Variants in MLYCD observed in about 807,000 individuals in gnomAD.
The protein encoded by MLYCD is malonyl-CoA decarboxylase.
MLYCD carries 27 observed loss-of-function variants against 35.8 expected under a neutral mutation model. That is an observed-to-expected ratio of 0.75 (90% CI 0.56 to 1.04). MLYCD has a LOEUF of 1.04. Ranked by LOEUF, MLYCD falls within the 50% of genes least tolerant of loss-of-function variation. The pLI is 0.00. For synonymous variants in MLYCD, 403 were observed against 302.4 expected (o/e 1.33, Z -3.45); for missense variants, 917 against 665.1 (o/e 1.38, Z -4.17).
rs751649669 is a variant in MLYCD, at chr16:83,915,129, C to T, written c.1122C>T (p.Thr374=). 4 of 1,614,220 alleles carry T rather than the reference C, an allele frequency of 2.5e-6. No individual in the cohort carries two copies. Among genetic ancestry groups the T allele is most frequent in the Admixed American group, 1.7e-5 (1 of 60,028 alleles). Residue 374 remains threonine (T), a synonymous_variant, in exon 5 of 5, where the codon ACC becomes ACT. Coordinates refer to ENST00000262430, the MANE Select transcript of MLYCD (RefSeq NM_012213.3). The part of the protein sequence containing the change: ...SEITGGPINE[T]LKLLLSSSEW... ...TCACAGGTGGCCCCATTAACGAGACCCTCAAGCTCCTCCTCAGCAGCAGCG... is the reference window on the plus strand; with the variant it reads ...TCACAGGTGGCCCCATTAACGAGACTCTCAAGCTCCTCCTCAGCAGCAGCG...
At chr16:83,914,256 T>A (rs887213187) in intron 4 of MLYCD, 1 of 157,748 alleles carries the variant, frequency 6.3e-6, no homozygotes, top group African/African-American at 2.4e-5. Context: ...TCATGTGATA[T>A]GGAGAGATAC....
At chr16:83,911,230 G>A (rs1047962306) in intron 3 of MLYCD, among the ~76,000 whole-genome samples, 5 of 152,004 alleles carry the variant, frequency 3.3e-5, no homozygotes, top group South Asian at 4.1e-4. Flanking sequence ...TGCCCGCCTC[G>A]GCCTCCCAAA....
In MLYCD at chr16:83,916,043, G is replaced by A; in HGVS notation, c.*554G>A. 1 of 1,003,928 alleles carries A rather than the reference G, an allele frequency of 1.0e-6. No individual in the cohort carries two copies. Among genetic ancestry groups the A allele is most frequent in the Non-Finnish European group, 1.2e-6 (1 of 839,296 alleles). The allele number at this position is 1,003,928 out of a possible 1,614,324, so 62.2% of individuals were successfully genotyped here. A position where few individuals can be genotyped will look rare whatever the true frequency, so the allele number is the denominator to read the frequency against. ...GAAGGTTTGTGATTTTGCACAAGGT[G>A]TGTGTAGTAAGTTAAATTGTTGAAC... On this transcript the variant is annotated 3_prime_UTR_variant, in exon 5 of 5. Coordinates refer to ENST00000262430, the MANE Select transcript of MLYCD (RefSeq NM_012213.3).
At position 83,919,049 on chromosome 16, in the gene MLYCD, GAC is replaced by G. The variant is rs1462742154; in HGVS notation, c.*3564_*3565del. 7.5e-6 allele frequency: 1 copy of G among 132,852 alleles called. No individual in the cohort carries two copies. Among genetic ancestry groups the G allele is most frequent in the African/African-American group, 3.0e-5 (1 of 33,364 alleles). 8.2% of individuals were successfully genotyped at this position (132,852 alleles called of 1,614,324 possible). ...CAGGAGAACATACACGCAGTACACA[GAC>G]ACAGTGCACCGGAGAACACAGTGCA... On this transcript the variant is annotated 3_prime_UTR_variant, in exon 5 of 5. Coordinates refer to ENST00000262430, the MANE Select transcript of MLYCD (RefSeq NM_012213.3).
Position 83,916,867 on chromosome 16 carries a change from C to A in MLYCD, c.*1378C>A, listed in dbSNP as rs12935116. 9.0e-3 allele frequency: 661 copies of A among 73,548 alleles called. 11 individuals are homozygous for A. Among genetic ancestry groups the A allele is most frequent in the Middle Eastern group, 0.015 (1 of 66 alleles). 4.6% of individuals were successfully genotyped at this position (73,548 alleles called of 1,614,324 possible). On this transcript the variant is annotated 3_prime_UTR_variant, in exon 5 of 5. Coordinates refer to ENST00000262430, the MANE Select transcript of MLYCD (RefSeq NM_012213.3). ...TCAGTGCACGTCTGTGTGCGTGTGC[C>A]CGAGCGTCTCTGTGTGGATCAGTGC...
At chr16:83,907,846 T>C (rs183018087) in intron 2 of MLYCD, among the ~76,000 whole-genome samples, 2 of 152,206 alleles carry the variant, frequency 1.3e-5, no homozygotes, top group Admixed American at 1.3e-4. Flanking sequence ...AGGTTTCACG[T>C]TAAAATCTGC....
rs1907790093 is a variant in MLYCD, at chr16:83,925,867, C to A, written c.*10378C>A. On this transcript the variant is annotated 3_prime_UTR_variant, in exon 5 of 5. Transcript: ENST00000262430. ...GTGGCTTGACTAGGTCACAGTCCCC[C>A]TTTATTTGCCGTCTTCTCACTGGGG... The A allele has an allele frequency of 6.6e-6, 1 of 152,544 alleles. No homozygotes were observed. Among genetic ancestry groups the A allele is most frequent in the Admixed American group, 6.5e-5 (1 of 15,290 alleles). The allele number at this position is 152,544 out of a possible 1,614,324, so 9.4% of individuals were successfully genotyped here. A position where few individuals can be genotyped will look rare whatever the true frequency, so the allele number is the denominator to read the frequency against.
intron 3 of MLYCD, among the ~76,000 whole-genome samples, chr16:83,908,562 G>A (rs746342374): frequency 6.6e-6 from 1 of 152,130 alleles, no homozygotes; most frequent in African/African-American, 2.4e-5. Flanking sequence ...ATGTTTGTGA[G>A]GCAGAAAATA....
At position 83,899,336 on chromosome 16, in the gene MLYCD, C is replaced by T; in HGVS notation, c.192C>T (p.Ala64=). The T allele has an allele frequency of 2.0e-6, 3 of 1,511,234 alleles. No homozygotes were observed. The highest frequency in any genetic ancestry group is 1.9e-4 in the Middle Eastern group (1 of 5,306). 93.6% of individuals were successfully genotyped at this position (1,511,234 alleles called of 1,614,324 possible). Residue 64 remains alanine (A), a synonymous_variant, in exon 1 of 5, where the codon GCC becomes GCT. Coordinates refer to ENST00000262430, the MANE Select transcript of MLYCD (RefSeq NM_012213.3). Reference sequence around the variant, plus strand: ...TGCGCGAGAAGACACCGGCGCCCGCCGAGGGTCAGTGCGCGGACTTCGTGA... The same window carrying T: ...TGCGCGAGAAGACACCGGCGCCCGCTGAGGGTCAGTGCGCGGACTTCGTGA... The part of the protein sequence containing the change: ...YELREKTPAP[A]EGQCADFVSF...
rs531404635 is a variant in MLYCD at position 83,915,862 on chromosome 16, C to T, written c.*373C>T. 3 of 1,189,906 alleles carry T rather than the reference C, an allele frequency of 2.5e-6. No individual in the cohort carries two copies. The highest frequency in any genetic ancestry group is 3.2e-6 in the Non-Finnish European group (3 of 948,246). 73.7% of individuals were successfully genotyped at this position (1,189,906 alleles called of 1,614,324 possible). A position where few individuals can be genotyped will look rare whatever the true frequency, so the allele number is the denominator to read the frequency against. Reference sequence around the variant, plus strand: ...GGGGGATCTGGCATCCTCCTAAGGACCGGGGCGCGTGGCCCAGATAAGAAT... The same window carrying T: ...GGGGGATCTGGCATCCTCCTAAGGATCGGGGCGCGTGGCCCAGATAAGAAT... On this transcript the variant is annotated 3_prime_UTR_variant, in exon 5 of 5. Transcript: ENST00000262430.
chr16:83,910,413 G>A (rs946903768), intron 3 of MLYCD, among the ~76,000 whole-genome samples: 2 of 152,026 alleles, frequency 1.3e-5, no homozygotes, highest in African/African-American at 2.4e-5. Flanking sequence ...AGAGCCCGAC[G>A]CAGTGACTCG....
chr16:83,912,053 C>G, intron 3 of MLYCD, 165 bp from the exon 4 acceptor site: 1 of 974,234 alleles, frequency 1.0e-6, no homozygotes, highest in Non-Finnish European at 1.6e-6. Context: ...GTTTTCAAAA[C>G]AGAGCAGCTT....
At chr16:83,910,615 C>T (rs1907140424) in intron 3 of MLYCD, among the ~76,000 whole-genome samples, 2 of 151,388 alleles carry the variant, frequency 1.3e-5, no homozygotes, top group African/African-American at 4.8e-5. Flanking sequence ...AATCGCTTGC[C>T]ACTAGGCAGA....
At chr16:83,905,591 A>C (rs1189001742) in intron 1 of MLYCD, among the ~76,000 whole-genome samples, 1 of 152,300 alleles carries the variant, frequency 6.6e-6, no homozygotes, top group East Asian at 1.9e-4. Flanking sequence ...TGGCTGCTCC[A>C]ATGCCAGCCA....
In MLYCD at chr16:83,917,365, C is replaced by A. The variant is rs1303071233; in HGVS notation, c.*1876C>A. 1.3e-5 allele frequency: 2 copies of A among 154,534 alleles called. No homozygotes were observed. Among genetic ancestry groups the A allele is most frequent in the Admixed American group, 1.3e-4 (2 of 15,296 alleles). The allele number at this position is 154,534 out of a possible 1,614,324, so 9.6% of individuals were successfully genotyped here. On this transcript the variant is annotated 3_prime_UTR_variant, in exon 5 of 5. Transcript: ENST00000262430. ...CGAGCGTCTCTGGATCAGTGCACGT[C>A]TGTGCATGTGCACACGTGCATGTGC... is the stretch of plus-strand genomic sequence containing the variant.
At position 83,917,535 on chromosome 16, in the gene MLYCD, G is replaced by C. The variant is rs147545731; in HGVS notation, c.*2046G>C. 6.7e-3 allele frequency: 1,027 copies of C among 153,848 alleles called. 10 individuals carry two copies. Among genetic ancestry groups the C allele is most frequent in the Non-Finnish European group, 9.0e-3 (615 of 68,106 alleles). The allele number at this position is 153,848 out of a possible 1,614,324, so 9.5% of individuals were successfully genotyped here. ...GCCAGGCCCCTTCTCTGTCTTCTGC[G>C]TACGGCGTGTTGCTTCGTGACAGAC... On this transcript the variant is annotated 3_prime_UTR_variant, in exon 5 of 5. Coordinates refer to ENST00000262430, the MANE Select transcript of MLYCD (RefSeq NM_012213.3).
In MLYCD at chr16:83,926,870, C is replaced by T. The variant is rs1478073540; in HGVS notation, c.*11381C>T. 3 of 152,218 alleles carry T rather than the reference C, an allele frequency of 2.0e-5. No homozygotes were observed. The highest frequency in any genetic ancestry group is 4.4e-5 in the Non-Finnish European group (3 of 68,052). 9.4% of individuals were successfully genotyped at this position (152,218 alleles called of 1,614,324 possible). On this transcript the variant is annotated 3_prime_UTR_variant, in exon 5 of 5. Coordinates refer to ENST00000262430, the MANE Select transcript of MLYCD (RefSeq NM_012213.3). The stretch of plus-strand genomic sequence containing the variant: ...TGTTGCGCCCCTCCAGCCTCCTCTG[C>T]TCTGCGCTTGGGCGCTGAATGTTAA...
At position 83,923,783 on chromosome 16, in the gene MLYCD, A is replaced by T. The variant is rs928714379; in HGVS notation, c.*8294A>T. 2 of 152,352 alleles carry T rather than the reference A, an allele frequency of 1.3e-5. No homozygotes were observed. Among genetic ancestry groups the T allele is most frequent in the Non-Finnish European group, 2.9e-5 (2 of 68,194 alleles). 9.4% of individuals were successfully genotyped at this position (152,352 alleles called of 1,614,324 possible). On this transcript the variant is annotated 3_prime_UTR_variant, in exon 5 of 5. Transcript: ENST00000262430. The stretch of plus-strand genomic sequence containing the variant: ...TTCCACCGCACTGGTCCACCTCCTG[A>T]CCGTACGTGGGGAGACCCACGCAAA...
chr16:83,899,519 C>T lies in MLYCD; in HGVS notation c.375C>T (p.Ala125=). 1 of 1,588,762 alleles carries T rather than the reference C, an allele frequency of 6.3e-7. No individual in the cohort carries two copies. Among genetic ancestry groups the T allele is most frequent in the South Asian group, 1.1e-5 (1 of 90,178 alleles). ...GGGAGGCGGCGGTGCTGCTGCAGGC[C>T]GAGGACCGGCTGCGCTACGCGCTGG... ...QQREAAVLLQ[A]EDRLRYALVP... is the part of the protein sequence containing the mutation. The change falls in exon 1 of 5, where the codon GCC becomes GCT. Residue 125 remains alanine (A), a synonymous_variant. Transcript: ENST00000262430.
Sources: allele counts gnomAD v4.1 joint callset (sites outside exome capture counted in the v4.1 genomes callset), GRCh38; gene constraint gnomAD v4.1.1; transcripts MANE v1.5; gene names NCBI Gene and HGNC (gene_info 2026-07-23, HGNC 2026-07-21).